Variants in GPC5 observed in about 807,000 individuals in gnomAD.
The protein encoded by GPC5 is glypican 5.
Under a neutral mutation model 53.9 loss-of-function variants are expected in GPC5, and 47 were observed. The ratio of observed to expected loss-of-function variants is 0.87; its 90% CI spans 0.69 to 1.11. The LOEUF (loss-of-function observed/expected upper bound fraction) is 1.11. Ranked by LOEUF, GPC5 falls within the 50% of genes most tolerant of loss-of-function variation. The pLI is 0.00. For missense variants in GPC5, 748 were observed against 713.1 expected, an observed-to-expected ratio of 1.05 and a Z score of -0.56; for synonymous variants, 286 against 263.3, an observed-to-expected ratio of 1.09 and a Z score of -0.84.
Position 91,647,123 on chromosome 13 carries a change from C to T in GPC5, c.326-46064C>T, listed in dbSNP as rs553137614. 2.0e-3 allele frequency among the ~76,000 whole-genome samples: 288 copies of T among 141,270 alleles called. 2 individuals are homozygous for T. Among genetic ancestry groups the T allele is most frequent in the African/African-American group, 6.9e-3 (269 of 38,974 alleles). 92.7% of individuals were successfully genotyped at this position (141,270 alleles called of 152,430 possible). ...TGTGTGTGTGTGTGTGAAATACATA[C>T]CTATGGCATTCATTCATGTAATATT... On this transcript the variant is annotated intron_variant, in intron 2 of 7. Coordinates refer to ENST00000377067, the MANE Select transcript of GPC5 (RefSeq NM_004466.6).
chr13:91,871,880 G>A (rs1280132805), intron 5 of GPC5, among the ~76,000 whole-genome samples: 1 of 151,988 alleles, frequency 6.6e-6, no homozygotes, highest in Non-Finnish European at 1.5e-5. Flanking sequence ...TGCTTCAGGT[G>A]TGTGACTGAA....
intron 7 of GPC5, among the ~76,000 whole-genome samples, chr13:92,302,927 T>G (rs1287875703): frequency 1.3e-5 from 2 of 152,236 alleles, no homozygotes; most frequent in Admixed American, 6.5e-5. Flanking sequence ...ACCTTTTTAC[T>G]GTCTCTATAC....
intron 7 of GPC5, among the ~76,000 whole-genome samples, chr13:92,615,204 A>C (rs954723990): frequency 2.0e-5 from 3 of 152,232 alleles, no homozygotes; most frequent in Non-Finnish European, 4.4e-5. Flanking sequence ...TTCAAAGTCC[A>C]CTGCTTCCTT....
chr13:91,564,692 G>A (rs2031444776), intron 2 of GPC5, among the ~76,000 whole-genome samples: 1 of 152,076 alleles, frequency 6.6e-6, no homozygotes, highest in Admixed American at 6.6e-5. Context: ...GTATCCCTGA[G>A]ATATGGGTGT....
At chr13:92,548,891 A>G (rs985310523) in intron 7 of GPC5, among the ~76,000 whole-genome samples, 2 of 152,098 alleles carry the variant, frequency 1.3e-5, no homozygotes, top group African/African-American at 2.4e-5. Flanking sequence ...AAATACATAT[A>G]TCTAACATGT....
intron 7 of GPC5, among the ~76,000 whole-genome samples, chr13:92,615,801 T>C (rs1884664206): frequency 6.6e-6 from 1 of 151,998 alleles, no homozygotes; most frequent in Non-Finnish European, 1.5e-5. Context: ...AAGTCTGTAA[T>C]CCCAGCACTT....
intron 2 of GPC5, among the ~76,000 whole-genome samples, chr13:91,487,623 G>C (rs1004117498): frequency 1.3e-5 from 2 of 152,148 alleles, no homozygotes; most frequent in African/African-American, 4.8e-5. Flanking sequence ...TTCTCTGGGA[G>C]CCTTTAGCAT....
intron 5 of GPC5, among the ~76,000 whole-genome samples, chr13:91,855,201 G>A (rs2038954515): frequency 6.6e-6 from 1 of 151,670 alleles, no homozygotes; most frequent in Non-Finnish European, 1.5e-5. Context: ...TTCTGTACAG[G>A]TGAGTTTTAA....
chr13:92,602,231 A>ATAT (rs1555294283), intron 7 of GPC5, among the ~76,000 whole-genome samples: 3 of 4,968 alleles, frequency 6.0e-4, no homozygotes, highest in African/African-American at 7.7e-4. Context: ...ATATATATAT[A>ATAT]ACATATATAT....
chr13:92,817,719 G>A (rs766270065), intron 7 of GPC5, among the ~76,000 whole-genome samples: 6 of 151,782 alleles, frequency 4.0e-5, no homozygotes, highest in South Asian at 2.1e-4. Context: ...AAAGTATACC[G>A]TTTCACTGAA....
intron 6 of GPC5, among the ~76,000 whole-genome samples, chr13:92,089,504 G>GT (rs1320760249): frequency 4.8e-5 from 3 of 62,126 alleles, no homozygotes; most frequent in African/African-American, 8.0e-5. Context: ...TTCCCACACG[G>GT]TTTTTTTACA....
chr13:91,766,627 C>G (rs1046565921), intron 5 of GPC5, among the ~76,000 whole-genome samples: 1 of 152,156 alleles, frequency 6.6e-6, no homozygotes, highest in Non-Finnish European at 1.5e-5. Flanking sequence ...CTTCGGGAGG[C>G]TGAGGTGGGC....
chr13:91,705,966 C>T (rs1369661622), intron 3 of GPC5, among the ~76,000 whole-genome samples: 2 of 150,140 alleles, frequency 1.3e-5, no homozygotes, highest in East Asian at 2.0e-4. Flanking sequence ...TTGCAACCTC[C>T]GCCTCCTGAG....
intron 2 of GPC5, among the ~76,000 whole-genome samples, chr13:91,481,598 C>G (rs1883300548): frequency 6.6e-6 from 1 of 152,138 alleles, no homozygotes; most frequent in Non-Finnish European, 1.5e-5. Context: ...TGTGAACAAC[C>G]TCTTGCAACT....
chr13:91,740,720 G>A (rs2036916197), intron 4 of GPC5, among the ~76,000 whole-genome samples: 1 of 152,146 alleles, frequency 6.6e-6, no homozygotes, highest in Admixed American at 6.6e-5. Context: ...TTCCCTTTTT[G>A]AGCAGAGACC....
intron 2 of GPC5, among the ~76,000 whole-genome samples, chr13:91,640,819 T>C (rs2034407718): frequency 6.7e-6 from 1 of 149,466 alleles, no homozygotes; most frequent in Admixed American, 6.7e-5. Context: ...AAAAGATACA[T>C]GCACACACGT....
At chr13:92,551,635 A>T (rs1422335026) in intron 7 of GPC5, among the ~76,000 whole-genome samples, 2 of 151,930 alleles carry the variant, frequency 1.3e-5, no homozygotes, top group Non-Finnish European at 2.9e-5. Context: ...GAGCATGAAA[A>T]TTGCTTCACT....
intron 6 of GPC5, among the ~76,000 whole-genome samples, chr13:92,063,555 A>G (rs2138855980): frequency 6.6e-6 from 1 of 152,290 alleles, no homozygotes; most frequent in South Asian, 2.1e-4. Flanking sequence ...GGCCCAAGAA[A>G]TAAATTACTG....
At chr13:92,589,093 G>T (rs1303259360) in intron 7 of GPC5, among the ~76,000 whole-genome samples, 2 of 152,152 alleles carry the variant, frequency 1.3e-5, no homozygotes, top group African/African-American at 4.8e-5. Flanking sequence ...TCAACTCAGT[G>T]AAGTAAATGT....
Sources: gnomAD v4.1 joint callset for allele counts (sites outside exome capture counted in the v4.1 genomes callset) on GRCh38, gnomAD v4.1.1 for gene constraint, MANE v1.5 for transcripts, NCBI Gene and HGNC (gene_info 2026-07-23, HGNC 2026-07-21) for gene names.